Variants in RORA observed in about 807,000 individuals in gnomAD.
The protein encoded by RORA is RAR related orphan receptor A, also known as nuclear receptor ROR-alpha.
A neutral mutation model predicts 69.5 loss-of-function variants in RORA; 7 were observed. The ratio of observed to expected loss-of-function variants is 0.10; its 90% CI spans 0.06 to 0.19. The LOEUF is 0.19. RORA is among the 10% of genes least tolerant of loss of function. RORA has a pLI of 1.00. For missense variants in RORA, 457 were observed against 663.0 expected, an observed-to-expected ratio of 0.69 and a Z score of 3.41; for synonymous variants, 261 against 240.8, an observed-to-expected ratio of 1.08 and a Z score of -0.78.
chr15:60,524,147 A>C (rs2066268493), intron 3 of RORA, among the ~76,000 whole-genome samples: 1 of 152,070 alleles, frequency 6.6e-6, no homozygotes, highest in South Asian at 2.1e-4. Flanking sequence ...GCTTCTTGGC[A>C]CCTTCCTATT....
intron 1 of RORA, among the ~76,000 whole-genome samples, chr15:60,745,491 T>C (rs1462933577): frequency 1.3e-5 from 2 of 152,252 alleles, no homozygotes; most frequent in Non-Finnish European, 2.9e-5. Flanking sequence ...TCCTTGCATC[T>C]GATTTTCCTA....
chr15:60,657,553 A>G (rs1410647722), intron 2 of RORA, among the ~76,000 whole-genome samples: 1 of 152,158 alleles, frequency 6.6e-6, no homozygotes, highest in African/African-American at 2.4e-5. Flanking sequence ...CAACAGAGCC[A>G]GTTCTTAAAA....
At chr15:60,561,076 G>T (rs11638067) in intron 2 of RORA, among the ~76,000 whole-genome samples, 41,340 of 128,236 alleles carry the variant, frequency 0.32, 10,771 homozygotes, top group African/African-American at 0.73. Flanking sequence ...TTTTTGTTTT[G>T]TTTTTGTTTT....
intron 1 of RORA, among the ~76,000 whole-genome samples, chr15:60,983,119 G>A (rs993095886): frequency 2.0e-5 from 3 of 152,106 alleles, no homozygotes; most frequent in Admixed American, 2.0e-4. Context: ...CAGCCAAAGG[G>A]ATTTCAAAGA....
intron 1 of RORA, among the ~76,000 whole-genome samples, chr15:60,978,179 A>AT (rs1326162866): frequency 2.6e-5 from 4 of 152,050 alleles, no homozygotes; most frequent in Admixed American, 6.6e-5. Flanking sequence ...CATCATCATC[A>AT]CAATCATCAA....
chr15:61,061,396 A>AATACATAC lies in RORA; in HGVS notation c.166+167656_166+167657insGTATGTAT, dbSNP rs1555406930. Among the ~76,000 whole-genome samples, 12,149 of 149,706 alleles carry AATACATAC rather than the reference A, an allele frequency of 0.081. 566 individuals carry two copies. Among genetic ancestry groups the AATACATAC allele is most frequent in the Middle Eastern group, 0.097 (28 of 290 alleles). On this transcript the variant is annotated intron_variant, in intron 1 of 10. Transcript: ENST00000335670. The surrounding 1 kb of genome is among the most constrained non-coding windows in gnomAD (Gnocchi z 4.4). Reference sequence around the variant, plus strand: ...AAATAAATAAATAAATAAATAAATAAATACAAGGGCATCGCAGGAAGTCCT... The same window carrying AATACATAC: ...AAATAAATAAATAAATAAATAAATAAATACATACATACAAGGGCATCGCAGGAAGTCCT...
At chr15:61,058,887 C>T (rs2078132516) in intron 1 of RORA, among the ~76,000 whole-genome samples, 1 of 152,170 alleles carries the variant, frequency 6.6e-6, no homozygotes, top group Admixed American at 6.5e-5. Context: ...CAGTAAATAC[C>T]TGTTGTACGA....
At chr15:60,844,152 T>C (rs2073235919) in intron 1 of RORA, among the ~76,000 whole-genome samples, 1 of 152,168 alleles carries the variant, frequency 6.6e-6, no homozygotes, top group Non-Finnish European at 1.5e-5. Context: ...CCCAGAGAAC[T>C]CTGTTCCTGG....
intron 1 of RORA, chr15:60,848,592 G>T (rs1009453650): frequency 6.6e-6 from 1 of 152,296 alleles, no homozygotes; most frequent in Non-Finnish European, 1.5e-5. Context: ...CTGACACTGC[G>T]TAATTTATAA....
At chr15:60,542,585 TCACA>T (rs757111557) in intron 2 of RORA, among the ~76,000 whole-genome samples, 9 of 94,326 alleles carry the variant, frequency 9.5e-5, no homozygotes, top group Non-Finnish European at 1.6e-4. Flanking sequence ...CATGCACACC[TCACA>T]CACACGGCAC....
At chr15:61,215,517 G>A (rs1299629434) in intron 1 of RORA, among the ~76,000 whole-genome samples, 1 of 152,180 alleles carries the variant, frequency 6.6e-6, no homozygotes, top group Non-Finnish European at 1.5e-5. Context: ...TGCCATCATT[G>A]ACTTGACTTG....
At chr15:61,052,122 T>C (rs2078023242) in intron 1 of RORA, among the ~76,000 whole-genome samples, 1 of 152,222 alleles carries the variant, frequency 6.6e-6, no homozygotes, top group Non-Finnish European at 1.5e-5. Flanking sequence ...GTGCAAGAGT[T>C]AAAGGTGCTA....
At chr15:60,733,947 AG>A (rs2071464700) in intron 1 of RORA, among the ~76,000 whole-genome samples, 3 of 151,350 alleles carry the variant, frequency 2.0e-5, no homozygotes, top group Non-Finnish European at 4.4e-5. Flanking sequence ...AGAGAGAGAG[AG>A]AGAGAGAAAG....
intron 1 of RORA, among the ~76,000 whole-genome samples, chr15:60,702,475 G>A (rs749691526): frequency 4.0e-5 from 6 of 151,894 alleles, no homozygotes; most frequent in East Asian, 1.9e-4. Context: ...CAAGTGATCC[G>A]CCCGCCTCGG....
intron 2 of RORA, among the ~76,000 whole-genome samples, chr15:60,614,006 T>C (rs571064405): frequency 1.3e-5 from 2 of 151,768 alleles, no homozygotes; most frequent in East Asian, 3.9e-4. Context: ...GAAAATGACA[T>C]ACATATATGA....
At chr15:61,005,348 C>G (rs1419635050) in intron 1 of RORA, among the ~76,000 whole-genome samples, 1 of 152,096 alleles carries the variant, frequency 6.6e-6, no homozygotes, top group South Asian at 2.1e-4. Flanking sequence ...GTCGTGGTGG[C>G]AGGCGCCTGT....
At chr15:61,161,721 T>C (rs1159370440) in intron 1 of RORA, among the ~76,000 whole-genome samples, 4 of 152,158 alleles carry the variant, frequency 2.6e-5, no homozygotes, top group African/African-American at 9.7e-5. Flanking sequence ...TGTAGATAAT[T>C]TGAAGATGCT....
At chr15:61,028,071 T>G (rs1031170977) in intron 1 of RORA, among the ~76,000 whole-genome samples, 2 of 152,200 alleles carry the variant, frequency 1.3e-5, no homozygotes, top group African/African-American at 4.8e-5. Context: ...TGACAAAAGC[T>G]TGCCCTGGGA....
At chr15:60,988,177 C>T (rs1249035579) in intron 1 of RORA, among the ~76,000 whole-genome samples, 10 of 152,160 alleles carry the variant, frequency 6.6e-5, no homozygotes, top group Non-Finnish European at 7.3e-5. Context: ...GTGAAAACAG[C>T]GTAGCAGACG....
Sources: gnomAD v4.1 joint callset for allele counts (sites outside exome capture counted in the v4.1 genomes callset) on GRCh38, gnomAD v4.1.1 for gene constraint, Gnocchi (gnomAD v3.1) non-coding constraint, MANE v1.5 for transcripts, NCBI Gene and HGNC (gene_info 2026-07-23, HGNC 2026-07-21) for gene names.